The following CAMTA2 variants were observed in gnomAD, a reference collection of about 807,000 sequenced individuals.
The protein encoded by CAMTA2 is calmodulin-binding transcription activator 2.
Under a neutral mutation model 135.7 loss-of-function variants are expected in CAMTA2, and 56 were observed. The observed-to-expected ratio is 0.41, with a 90% confidence interval of 0.33 to 0.52. CAMTA2 has a LOEUF of 0.52. CAMTA2 is among the 20% of genes least tolerant of loss of function. The pLI is 0.16. For synonymous variants in CAMTA2, 591 were observed against 604.6 expected (o/e 0.98, Z 0.33); for missense variants, 1,358 against 1,553.4 (o/e 0.87, Z 2.11).
In CAMTA2 at chr17:4,968,731, G is replaced by A. The variant is rs1972064275; in HGVS notation, c.*25C>T. On this transcript the variant is annotated 3_prime_UTR_variant, in exon 23 of 23. Transcript: ENST00000348066. ...TTAAGACTGCACGAGGCGCCCCCAG[G>A]GTGGTGAGAAAGGCGGTGGCCAGGT... The A allele has an allele frequency of 5.6e-6, 9 of 1,613,692 alleles. No individual in the cohort carries two copies. The highest frequency in any genetic ancestry group is 1.7e-5 in the Admixed American group (1 of 60,014).
intron 1 of CAMTA2, chr17:4,986,712 C>G (rs1256022596): frequency 3.6e-6 from 2 of 553,068 alleles, no homozygotes; most frequent in African/African-American, 4.0e-5. Flanking sequence ...CCGGTAGAAG[C>G]TAGGCCTTTA....
At position 4,969,795 on chromosome 17, in the gene CAMTA2, CCCAT is replaced by C. The variant is rs1185229039; in HGVS notation, c.3190-98_3190-95del. ...TCCTGGGGTTCCCCTGACCCTTTAC[CCCAT>C]CCAAGGCCTGTCTGCACGACTACTC... On this transcript the variant is annotated intron_variant, in intron 18 of 22. Transcript: ENST00000348066. The surrounding 1 kb of genome is among the most constrained non-coding windows in gnomAD (Gnocchi z 5.6). The C allele has an allele frequency of 6.3e-7, 1 of 1,591,428 alleles. No homozygotes were observed. The highest frequency in any genetic ancestry group is 8.6e-7 in the Non-Finnish European group (1 of 1,161,810).
chr17:4,986,070 G>C (rs1973261374), intron 2 of CAMTA2, 87 bp from the exon 3 acceptor site: 2 of 1,136,622 alleles, frequency 1.8e-6, no homozygotes, highest in South Asian at 1.2e-5. Context: ...AGGCAATACA[G>C]AGCACTGGGG....
intron 12 of CAMTA2, chr17:4,974,038 C>A (rs370773675): frequency 1.1e-5 from 6 of 540,826 alleles, no homozygotes; most frequent in Admixed American, 3.5e-5. Flanking sequence ...GGCTTCTCCC[C>A]CTCAGAAGCC....
chr17:4,974,826 C>A (rs547326920), intron 11 of CAMTA2: 3 of 211,938 alleles, frequency 1.4e-5, no homozygotes, highest in Non-Finnish European at 2.9e-5. Context: ...CTCTTCCCCC[C>A]AGCCTTTTCC....
rs779696986 is a variant in CAMTA2, at chr17:4,980,587, C to T, written c.735G>A (p.Thr245=). The T allele has an allele frequency of 7.4e-6, 12 of 1,613,846 alleles. No homozygotes were observed. In the East Asian group the frequency reaches 1.1e-4, roughly 15 times the overall value. ...CTTTGGGAGAGATGATGCGGTGTTTCGTGCTGCTGCATTTGTGGGTAAGGC... is the reference window on the plus strand; with the variant it reads ...CTTTGGGAGAGATGATGCGGTGTTTTGTGCTGCTGCATTTGTGGGTAAGGC... ...SGSLTHKCSS[T]KHRIISPKVE... is the part of the protein sequence containing the mutation. The change falls in exon 9 of 23, where the codon ACG becomes ACA. Residue 245 remains threonine, a synonymous_variant. Transcript: ENST00000348066. The surrounding 1 kb of genome is among the most constrained non-coding windows in gnomAD (Gnocchi z 5.3).
At chr17:4,975,348 G>C (rs540687619) in intron 11 of CAMTA2, among the ~76,000 whole-genome samples, 1 of 152,084 alleles carries the variant, frequency 6.6e-6, no homozygotes, top group East Asian at 1.9e-4. Context: ...AAGTGAAGGA[G>C]AGGAGAGAAA....
In CAMTA2 at chr17:4,980,506, A is replaced by C. The variant is rs781235903; in HGVS notation, c.816T>G (p.Pro272=). ...TSIPHAHPPE[P]PPLIAPLPPE... is the part of the protein sequence containing the mutation. ...GGGGAAGTGGGGCTATCAGTGGAGGAGGCTCTGGGGGGTGAGCGTGGGGGA... is the reference window on the plus strand; with the variant it reads ...GGGGAAGTGGGGCTATCAGTGGAGGCGGCTCTGGGGGGTGAGCGTGGGGGA... Residue 272 remains proline (P), a synonymous_variant, in exon 9 of 23, where the codon CCT becomes CCG. Coordinates refer to ENST00000348066, the MANE Select transcript of CAMTA2 (RefSeq NM_015099.4). The surrounding 1 kb of genome is among the most constrained non-coding windows in gnomAD (Gnocchi z 5.3). 5 of 1,328,588 alleles carry C rather than the reference A, an allele frequency of 3.8e-6. No homozygotes were observed. The highest frequency in any genetic ancestry group is 1.4e-5 in the South Asian group (1 of 71,952). The allele number at this position is 1,328,588 out of a possible 1,614,324, so 82.3% of individuals were successfully genotyped here.
chr17:4,981,285 C>T lies in CAMTA2; in HGVS notation c.640G>A (p.Asp214Asn), dbSNP rs1420800013. 1.9e-6 allele frequency: 3 copies of T among 1,614,090 alleles called. No individual in the cohort carries two copies. Among genetic ancestry groups the T allele is most frequent in the Admixed American group, 3.3e-5 (2 of 60,010 alleles). ...SVEHLVQQIL[D>N]THPTKPAPRT... ...GGAGCAGGCTTGGTTGGGTGGGTGT[C>T]CAAAATCTGCTGCACCAGGTGTTCT... Residue 214 changes from aspartate (D) to asparagine (N), a missense_variant, in exon 8 of 23, where the codon GAC (aspartate) becomes AAC (asparagine). By Grantham distance (23) the Asp-to-Asn change is conservative. Around this residue, in one of 4 missense-constraint regions of CAMTA2, gnomAD observed 1,077 missense variants for 1,127.5 expected, o/e 0.96. Transcript: ENST00000348066.
chr17:4,969,034 C>T lies in CAMTA2; in HGVS notation c.3471-53G>A. On this transcript the variant is annotated intron_variant, in intron 21 of 22. Coordinates refer to ENST00000348066, the MANE Select transcript of CAMTA2 (RefSeq NM_015099.4). The surrounding 1 kb of genome is among the most constrained non-coding windows in gnomAD (Gnocchi z 5.6). ...CACAGAAGGCATCGCATGCCTTCGG[C>T]CCCCCCAGGAACCCTAGGCAGGGAA... The T allele has an allele frequency of 2.5e-6, 4 of 1,582,656 alleles. No homozygotes were observed. Among genetic ancestry groups the T allele is most frequent in the Non-Finnish European group, 3.5e-6 (4 of 1,154,864 alleles).
chr17:4,978,625 C>T lies in CAMTA2; in HGVS notation c.1644G>A (p.Gly548=), dbSNP rs1972771110. 1.2e-6 allele frequency: 2 copies of T among 1,612,740 alleles called. No individual in the cohort carries two copies. The highest frequency in any genetic ancestry group is 8.5e-7 in the Non-Finnish European group (1 of 1,179,110). The change falls in exon 10 of 23, where the codon GGG becomes GGA. Residue 548 remains glycine (G), a synonymous_variant. Transcript: ENST00000348066. ...AAGGACCTGTGATGAGCACCTTGAC[C>T]CCACCCTGCAGACAGAAGTCAGAGA... ...FSPEWSYPEG[G]VKVLITGPWT...
rs1276045596 is a variant in CAMTA2, at chr17:4,972,276, C to T, written c.2764G>A (p.Ala922Thr). Residue 922 changes from alanine to threonine, a missense_variant, in exon 16 of 23, where the codon GCT (alanine) becomes ACT (threonine). Physicochemically the swap from Ala to Thr is moderately conservative, Grantham distance 58 (BLOSUM62 0). This residue lies in a region of CAMTA2 where 1,077 missense variants were observed against 1,127.5 expected (regional missense o/e 0.96). Coordinates refer to ENST00000348066, the MANE Select transcript of CAMTA2 (RefSeq NM_015099.4). ...TGTGGGCTGTCAGCGTCCTCTGGAG[C>T]AGCCCCATCATCTGAAGCTGGTGGG... ...ALPPASDDGA[A>T]PEDADSPQAV... 2 of 1,614,034 alleles carry T rather than the reference C, an allele frequency of 1.2e-6. No homozygotes were observed. Among genetic ancestry groups the T allele is most frequent in the South Asian group, 2.2e-5 (2 of 91,070 alleles).
intron 3 of CAMTA2, among the ~76,000 whole-genome samples, chr17:4,984,560 A>T (rs1973150153): frequency 6.6e-6 from 1 of 151,936 alleles, no homozygotes; most frequent in Non-Finnish European, 1.5e-5. Context: ...CAACAATCAC[A>T]CATACACACA....
chr17:4,972,541 G>A lies in CAMTA2; in HGVS notation c.2504-5C>T, dbSNP rs1261505380. The A allele has an allele frequency of 1.2e-6, 2 of 1,600,456 alleles. No homozygotes were observed. Among genetic ancestry groups the A allele is most frequent in the East Asian group, 4.5e-5 (2 of 44,426 alleles). On this transcript the variant is annotated splice_polypyrimidine_tract_variant and splice_region_variant and intron_variant, in intron 15 of 22. Coordinates refer to ENST00000348066, the MANE Select transcript of CAMTA2 (RefSeq NM_015099.4). ...GCGAGGAGACGCTGCTCAGACCTGT[G>A]TGGGGAGGGAAGAGAGTGAGGGCAG...
intron 14 of CAMTA2, 57 bp from the exon 15 acceptor site, chr17:4,973,048 TC>T: frequency 6.6e-7 from 1 of 1,521,552 alleles, no homozygotes; most frequent in Non-Finnish European, 9.1e-7. Context: ...CAGGGGCTCT[TC>T]CTCCAGGTAG....
Position 4,972,437 on chromosome 17 carries a change from G to A in CAMTA2, c.2603C>T (p.Pro868Leu), listed in dbSNP as rs1649283635. The A allele has an allele frequency of 6.2e-7, 1 of 1,613,936 alleles. No homozygotes were observed. The highest frequency in any genetic ancestry group is 1.6e-4 in the Middle Eastern group (1 of 6,062). The change falls in exon 16 of 23, where the codon CCT (proline) becomes CTT (leucine). Residue 868 changes from proline (P) to leucine (L), a missense_variant. Physicochemically the swap from Pro to Leu is moderately conservative, Grantham distance 98. Coordinates refer to ENST00000348066, the MANE Select transcript of CAMTA2 (RefSeq NM_015099.4). ...SAPDGSPPPA[P>L]LPASEMTMED... ...CATAGTCATCTCAGAGGCTGGCAGA[G>A]GTGCAGGGGGGGGACTGCCATCTGG...
Position 4,980,119 on chromosome 17 carries a change from G to A in CAMTA2, c.1203C>T (p.Pro401=), listed in dbSNP as rs751014949. The change falls in exon 9 of 23, where the codon CCC becomes CCT. Residue 401 remains proline (P), a synonymous_variant. Transcript: ENST00000348066. The surrounding 1 kb of genome is among the most constrained non-coding windows in gnomAD (Gnocchi z 5.3). Reference sequence around the variant, plus strand: ...AGGGGGTATGAGCGGCCTCTGCCTCGGGGAAGTCTGGGCTTACTCCCTGCC... The same window carrying A: ...AGGGGGTATGAGCGGCCTCTGCCTCAGGGAAGTCTGGGCTTACTCCCTGCC... ...GGGQGVSPDF[P]EAEAAHTPCS... 18 of 1,605,430 alleles carry A rather than the reference G, an allele frequency of 1.1e-5. No homozygotes were observed. Among genetic ancestry groups the A allele is most frequent in the East Asian group, 4.5e-5 (2 of 44,822 alleles).
At position 4,969,599 on chromosome 17, in the gene CAMTA2, TG is replaced by T; in HGVS notation, c.3261+30del. On this transcript the variant is annotated intron_variant, in intron 19 of 22. Transcript: ENST00000348066. The surrounding 1 kb of genome is among the most constrained non-coding windows in gnomAD (Gnocchi z 5.6). ...GCGTGGGTGTGGGTTGGTGGGTTGCTGGTTACACTTTTGAGGGAGAAGGGTC... is the reference window on the plus strand; with the variant it reads ...GCGTGGGTGTGGGTTGGTGGGTTGCTGTTACACTTTTGAGGGAGAAGGGTC... 1.9e-6 allele frequency: 3 copies of T among 1,613,976 alleles called. No individual in the cohort carries two copies. The highest frequency in any genetic ancestry group is 2.5e-6 in the Non-Finnish European group (3 of 1,179,866).
chr17:4,985,278 T>C (rs550981420), intron 3 of CAMTA2, among the ~76,000 whole-genome samples: 21 of 152,346 alleles, frequency 1.4e-4, no homozygotes, highest in Non-Finnish European at 1.8e-4. Context: ...GCTTGCTCTA[T>C]AGAACCGTTA....
Sources: gnomAD v4.1 joint callset for allele counts (sites outside exome capture counted in the v4.1 genomes callset) on GRCh38, gnomAD v4.1.1 for gene constraint, gnomAD v4.1.1 regional missense constraint, Gnocchi (gnomAD v3.1) non-coding constraint, MANE v1.5 for transcripts, NCBI Gene and HGNC (gene_info 2026-07-23, HGNC 2026-07-21) for gene names.